Variants in ABCB11 observed in about 807,000 individuals in gnomAD.
ABCB11 encodes bile salt export pump.
Under a neutral mutation model 148.0 loss-of-function variants are expected in ABCB11, and 95 were observed. The ratio of observed to expected loss-of-function variants is 0.64; its 90% CI spans 0.54 to 0.76. The LOEUF (loss-of-function observed/expected upper bound fraction) is 0.76, where lower values mean the gene tolerates loss of function less well. Among genes scored for constraint, ABCB11 ranks in the 30% least tolerant of loss-of-function variants. The pLI, the probability that ABCB11 is intolerant of heterozygous loss-of-function variation, is 0.00. For synonymous variants in ABCB11, 591 were observed against 555.4 expected (o/e 1.06, Z -0.90); for missense variants, 1,523 against 1,617.8 (o/e 0.94, Z 1.01).
In ABCB11 at chr2:168,969,451, C is replaced by T. The variant is rs375039345; in HGVS notation, c.1910G>A (p.Arg637Lys). ...IGFEHGTAVERGTHEELLERK... is the reference protein window; with the variant it reads ...IGFEHGTAVEKGTHEELLERK... ...TTCCAGTAATTCTTCATGGGTCCCT[C>T]TTTCCACTGCAGTGCCATGTTCAAA... Residue 637 changes from arginine to lysine, a missense_variant, in exon 16 of 28, where the codon AGA becomes AAA. Physicochemically the swap from Arg to Lys is conservative, Grantham distance 26 (BLOSUM62 2). Transcript: ENST00000650372. The T allele has an allele frequency of 1.2e-6, 2 of 1,612,494 alleles. No homozygotes were observed. The highest frequency in any genetic ancestry group is 2.7e-5 in the African/African-American group (2 of 74,828).
intron 1 of ABCB11, among the ~76,000 whole-genome samples, chr2:169,019,414 T>C (rs1177198796): frequency 6.6e-6 from 1 of 152,164 alleles, no homozygotes; most frequent in African/African-American, 2.4e-5. Context: ...AAAACTTAGA[T>C]ACATTATATA....
At chr2:168,978,171 G>A (rs1360133858) in intron 11 of ABCB11, among the ~76,000 whole-genome samples, 2 of 128,702 alleles carry the variant, frequency 1.6e-5, no homozygotes, top group African/African-American at 3.0e-5. Flanking sequence ...TCAGAGACAG[G>A]GTTTCACTCT....
At chr2:168,979,377 A>G (rs1354821438) in intron 11 of ABCB11, among the ~76,000 whole-genome samples, 2 of 151,926 alleles carry the variant, frequency 1.3e-5, no homozygotes, top group African/African-American at 4.8e-5. Flanking sequence ...TACTGCCACC[A>G]CCACCCAATT....
Position 168,924,733 on chromosome 2 carries a change from G to A in ABCB11, c.3689C>T (p.Ala1230Val). The A allele has an allele frequency of 6.2e-7, 1 of 1,613,722 alleles. No homozygotes were observed. Among genetic ancestry groups the A allele is most frequent in the Non-Finnish European group, 8.5e-7 (1 of 1,179,766 alleles). The change falls in exon 27 of 28, where the codon GCT becomes GTT. Residue 1230 changes from alanine to valine, a missense_variant. Ala to Val is a moderately conservative substitution (Grantham distance 64, BLOSUM62 0). Coordinates refer to ENST00000650372, the MANE Select transcript of ABCB11 (RefSeq NM_003742.4). ...TTTAGGATCTCGTACAATGGCCCGAGCAATAGCAATGCGTTGTTTCTCCCC... is the reference window on the plus strand; with the variant it reads ...TTTAGGATCTCGTACAATGGCCCGAACAATAGCAATGCGTTGTTTCTCCCC... ...SRGEKQRIAI[A>V]RAIVRDPKIL...
chr2:169,024,407 GT>G (rs1695628006), intron 1 of ABCB11, among the ~76,000 whole-genome samples: 1 of 151,526 alleles, frequency 6.6e-6, no homozygotes, highest in Admixed American at 6.6e-5. Context: ...CTTAACCCTG[GT>G]GAATCTCTTT....
Position 168,951,999 on chromosome 2 carries a change from A to AT in ABCB11, c.2343+5964dup, listed in dbSNP as rs200713611. On this transcript the variant is annotated intron_variant, in intron 19 of 27. Transcript: ENST00000650372. ...TTTTTCTGCATCTATTGAAATGATAATTTTTTCCCTTAATATTGTTTATGT... is the reference window on the plus strand; with the variant it reads ...TTTTTCTGCATCTATTGAAATGATAATTTTTTTCCCTTAATATTGTTTATGT... 3.2e-3 allele frequency among the ~76,000 whole-genome samples: 488 copies of AT among 151,386 alleles called. 1 individual carries two copies. The highest frequency in any genetic ancestry group is 0.011 in the African/African-American group (462 of 41,392).
chr2:168,966,261 A>C (rs1287260608), intron 17 of ABCB11, among the ~76,000 whole-genome samples: 1 of 151,902 alleles, frequency 6.6e-6, no homozygotes, highest in East Asian at 1.9e-4. Context: ...ATGGATGCCA[A>C]GGTAGGAGTT....
intron 11 of ABCB11, among the ~76,000 whole-genome samples, chr2:168,977,772 C>T (rs187768892): frequency 7.2e-4 from 109 of 152,170 alleles, no homozygotes; most frequent in African/African-American, 2.2e-3. Context: ...CAGGAGAGAG[C>T]GCATAGGGGA....
At chr2:169,025,097 G>A (rs1357768478) in intron 1 of ABCB11, among the ~76,000 whole-genome samples, 4 of 151,862 alleles carry the variant, frequency 2.6e-5, no homozygotes, top group African/African-American at 9.7e-5. Context: ...ATGTGTTATT[G>A]CATTTCCTAA....
intron 17 of ABCB11, among the ~76,000 whole-genome samples, chr2:168,967,592 C>T (rs956027948): frequency 3.3e-5 from 5 of 151,814 alleles, no homozygotes; most frequent in Admixed American, 2.0e-4. Flanking sequence ...CTTATCTCTG[C>T]GACTTTGCAC....
At chr2:169,021,023 C>T (rs1198410341) in intron 1 of ABCB11, among the ~76,000 whole-genome samples, 1 of 151,426 alleles carries the variant, frequency 6.6e-6, no homozygotes, top group Non-Finnish European at 1.5e-5. Context: ...AGTACAGTGG[C>T]TCAATCTTGG....
rs781443931 is a variant in ABCB11 at position 168,927,273 on chromosome 2, G to A, written c.3501C>T (p.Ala1167=). ...ACTTGATATTGTCCATTATGCTACAGGCAAACAACACTGGTTCCTGGGAAA... is the reference window on the plus strand; with the variant it reads ...ACTTGATATTGTCCATTATGCTACAAGCAAACAACACTGGTTCCTGGGAAA... ...GIVSQEPVLF[A]CSIMDNIKYG... is the part of the protein sequence containing the mutation. Residue 1167 remains alanine (A), a synonymous_variant, in exon 26 of 28, where the codon GCC becomes GCT. Coordinates refer to ENST00000650372, the MANE Select transcript of ABCB11 (RefSeq NM_003742.4). The A allele has an allele frequency of 3.1e-6, 5 of 1,613,672 alleles. No individual in the cohort carries two copies. The African/African-American group carries it at 4.0e-5, about 13-fold the overall frequency.
intron 12 of ABCB11, among the ~76,000 whole-genome samples, chr2:168,974,423 ACTAT>A (rs144450781): frequency 0.021 from 3,133 of 152,106 alleles, 112 homozygotes; most frequent in African/African-American, 0.071. Flanking sequence ...CTAATTCATA[ACTAT>A]CTGTCAATAT....
chr2:168,974,652 A>G (rs1241643344), intron 12 of ABCB11, among the ~76,000 whole-genome samples: 1 of 152,006 alleles, frequency 6.6e-6, no homozygotes, highest in Non-Finnish European at 1.5e-5. Flanking sequence ...TGTGGCACAC[A>G]GAGGGTTAAA....
intron 23 of ABCB11, among the ~76,000 whole-genome samples, 193 bp downstream of exon 23, chr2:168,934,991 A>G (rs558803137): frequency 6.6e-6 from 1 of 152,338 alleles, no homozygotes; most frequent in Non-Finnish European, 1.5e-5. Flanking sequence ...AATACACAGA[A>G]GCCTGACTGA....
At chr2:169,027,053 A>G (rs775348974) in intron 1 of ABCB11, among the ~76,000 whole-genome samples, 6 of 152,228 alleles carry the variant, frequency 3.9e-5, no homozygotes, top group Non-Finnish European at 7.3e-5. Context: ...CAAATTTACA[A>G]TAACAAAATT....
At chr2:168,945,231 G>T (rs1476195167) in intron 19 of ABCB11, among the ~76,000 whole-genome samples, 3 of 151,746 alleles carry the variant, frequency 2.0e-5, no homozygotes, top group African/African-American at 7.3e-5. Context: ...GGGGGTATAT[G>T]GGAAATCTCT....
At chr2:169,019,639 A>C (rs921799277) in intron 1 of ABCB11, among the ~76,000 whole-genome samples, 2 of 152,198 alleles carry the variant, frequency 1.3e-5, no homozygotes, top group Non-Finnish European at 2.9e-5. Context: ...ATACAAGTGG[A>C]CCTCCACAGT....
At chr2:169,012,188 G>T (rs1695207052) in intron 5 of ABCB11, among the ~76,000 whole-genome samples, 1 of 152,078 alleles carries the variant, frequency 6.6e-6, no homozygotes, top group Non-Finnish European at 1.5e-5. Context: ...TCCTCTGAGG[G>T]AGCCATTCCT....
Sources: gnomAD v4.1 joint callset for allele counts (sites outside exome capture counted in the v4.1 genomes callset) on GRCh38, gnomAD v4.1.1 for gene constraint, MANE v1.5 for transcripts, NCBI Gene and HGNC (gene_info 2026-07-23, HGNC 2026-07-21) for gene names.